The following TMOD2 variants were observed in gnomAD, a reference collection of about 807,000 sequenced individuals.
TMOD2 encodes the protein tropomodulin 2, also known as tropomodulin-2.
Under a neutral mutation model 39.9 loss-of-function variants are expected in TMOD2, and 22 were observed. The observed-to-expected ratio is 0.55, with a 90% CI of 0.39 to 0.79. TMOD2 has a LOEUF of 0.79. TMOD2 is among the 30% of genes least tolerant of loss of function. The pLI is 0.00. For synonymous variants in TMOD2, 123 were observed against 146.1 expected, an observed-to-expected ratio of 0.84 and a Z score of 1.14; for missense variants, 386 against 413.3, an observed-to-expected ratio of 0.93 and a Z score of 0.57.
At chr15:51,772,395 G>A (rs140289729) in intron 3 of TMOD2, among the ~76,000 whole-genome samples, 4 of 152,184 alleles carry the variant, frequency 2.6e-5, no homozygotes, top group Non-Finnish European at 5.9e-5. Context: ...CATGGCTCTA[G>A]AATGTCCCTG....
intron 5 of TMOD2, among the ~76,000 whole-genome samples, chr15:51,779,280 C>T (rs1027405332): frequency 6.6e-6 from 1 of 152,152 alleles, no homozygotes; most frequent in African/African-American, 2.4e-5. Context: ...TGGTGCATAA[C>T]CTTCTGGACG....
rs73409053 is a variant in TMOD2 at position 51,815,501 on chromosome 15, C to T, written c.*7047C>T. On this transcript the variant is annotated 3_prime_UTR_variant, in exon 10 of 10. Transcript: ENST00000249700. ...AGGCTGGCCCAAGATTTAAAACTTC[C>T]TGTGGGTAATCTAACTGTGAGTAGA... is the stretch of plus-strand genomic sequence containing the variant. The T allele has an allele frequency of 5.9e-5, 9 of 152,172 alleles. No homozygotes were observed. Among genetic ancestry groups the T allele is most frequent in the Admixed American group, 3.9e-4 (6 of 15,270 alleles). 9.4% of individuals were successfully genotyped at this position (152,172 alleles called of 1,614,324 possible). A position where few individuals can be genotyped will look rare whatever the true frequency, so the allele number is the denominator to read the frequency against.
chr15:51,759,229 A>G (rs901616418), intron 1 of TMOD2, among the ~76,000 whole-genome samples: 39 of 152,212 alleles, frequency 2.6e-4, no homozygotes, highest in Admixed American at 1.5e-3. Flanking sequence ...TTTTCGGCCA[A>G]TTTCCTGAAA....
chr15:51,785,821 G>A (rs2055965676), intron 7 of TMOD2, among the ~76,000 whole-genome samples: 1 of 152,040 alleles, frequency 6.6e-6, no homozygotes. Flanking sequence ...ACAAAGATAA[G>A]CCTTTGAGGT....
At chr15:51,789,127 A>G (rs922363513) in intron 7 of TMOD2, among the ~76,000 whole-genome samples, 2 of 152,200 alleles carry the variant, frequency 1.3e-5, no homozygotes, top group African/African-American at 2.4e-5. Context: ...CTCATGTACA[A>G]AGACACACAT....
chr15:51,765,030 T>A (rs146143817), intron 1 of TMOD2, among the ~76,000 whole-genome samples: 2,525 of 151,240 alleles, frequency 0.017, 88 homozygotes, highest in East Asian at 0.073. Flanking sequence ...TTTGAGAGAG[T>A]CTCACTCTGT....
chr15:51,760,746 C>T (rs574944328), intron 1 of TMOD2, among the ~76,000 whole-genome samples: 2 of 151,920 alleles, frequency 1.3e-5, no homozygotes, highest in Non-Finnish European at 1.5e-5. Context: ...GTAGAGGTTG[C>T]AGTGAGCCGA....
intron 1 of TMOD2, among the ~76,000 whole-genome samples, chr15:51,754,203 G>A (rs775406064): frequency 2.6e-5 from 4 of 152,130 alleles, no homozygotes; most frequent in Non-Finnish European, 5.9e-5. Flanking sequence ...GAACCATCCC[G>A]AAAGTGCTGT....
chr15:51,786,012 A>G (rs1354576376), intron 7 of TMOD2, among the ~76,000 whole-genome samples: 2 of 152,196 alleles, frequency 1.3e-5, no homozygotes, highest in African/African-American at 4.8e-5. Context: ...GTCTATAAAA[A>G]ATAGAGGGAC....
intron 8 of TMOD2, among the ~76,000 whole-genome samples, chr15:51,799,037 A>G (rs1248266671): frequency 2.0e-5 from 3 of 152,078 alleles, no homozygotes; most frequent in Non-Finnish European, 4.4e-5. Flanking sequence ...TCTTTTTCCC[A>G]GCGTCAGCCT....
chr15:51,801,231 T>TCACA (rs1182352451), intron 8 of TMOD2, among the ~76,000 whole-genome samples: 28 of 97,416 alleles, frequency 2.9e-4, no homozygotes, highest in African/African-American at 1.0e-3. Context: ...TCTCTCTCTC[T>TCACA]CTCTCTCACA....
At chr15:51,786,474 A>G (rs1595872494) in intron 7 of TMOD2, among the ~76,000 whole-genome samples, 1 of 152,210 alleles carries the variant, frequency 6.6e-6, no homozygotes, top group African/African-American at 2.4e-5. Flanking sequence ...TGCAATTGGC[A>G]TCCGTTTAGA....
chr15:51,777,443 T>G (rs2055897217), intron 5 of TMOD2, among the ~76,000 whole-genome samples: 1 of 152,210 alleles, frequency 6.6e-6, no homozygotes, highest in Non-Finnish European at 1.5e-5. Context: ...TTTGTCTCAA[T>G]AATAGATGCT....
chr15:51,764,659 G>A (rs769848279), intron 1 of TMOD2, among the ~76,000 whole-genome samples: 2 of 152,080 alleles, frequency 1.3e-5, no homozygotes, highest in South Asian at 2.1e-4. Context: ...TCCCACCCTC[G>A]TCTTTAGTTC....
Position 51,777,570 on chromosome 15 carries a change from C to T in TMOD2, c.493+552C>T, listed in dbSNP as rs74610404. On this transcript the variant is annotated intron_variant, in intron 5 of 9. Coordinates refer to ENST00000249700, the MANE Select transcript of TMOD2 (RefSeq NM_014548.4). ...CTTCTATGTCAACGTTTCCTATAGA[C>T]GTGTACAATTAATTAGACTTTTTTA... 5.3e-3 allele frequency among the ~76,000 whole-genome samples: 807 copies of T among 152,214 alleles called. 7 individuals are homozygous for T. The highest frequency in any genetic ancestry group is 0.028 in the East Asian group (144 of 5,188).
chr15:51,774,441 T>C (rs2141622054), intron 4 of TMOD2, among the ~76,000 whole-genome samples: 1 of 152,318 alleles, frequency 6.6e-6, no homozygotes, highest in South Asian at 2.1e-4. Context: ...ATTTATATAT[T>C]AGATCTTCCT....
chr15:51,776,857 C>A (rs2055892533), intron 4 of TMOD2, 75 bp from the exon 5 acceptor site: 2 of 1,218,614 alleles, frequency 1.6e-6, no homozygotes, highest in East Asian at 4.7e-5. Context: ...AATTGTTCTT[C>A]AAGGGACAAA....
intron 3 of TMOD2, among the ~76,000 whole-genome samples, chr15:51,770,541 G>C (rs1194466485): frequency 6.6e-6 from 1 of 152,214 alleles, no homozygotes; most frequent in African/African-American, 2.4e-5. Flanking sequence ...CCAGCTCCTA[G>C]TTGGCATGAG....
At chr15:51,808,198 T>G (rs964566192) in intron 9 of TMOD2, among the ~76,000 whole-genome samples, 7 of 152,130 alleles carry the variant, frequency 4.6e-5, no homozygotes, top group African/African-American at 1.7e-4. Flanking sequence ...GTTCTAACAC[T>G]CGAGTACCCA....
Sources: allele counts gnomAD v4.1 joint callset (sites outside exome capture counted in the v4.1 genomes callset), GRCh38; gene constraint gnomAD v4.1.1; transcripts MANE v1.5; gene names NCBI Gene and HGNC (gene_info 2026-07-23, HGNC 2026-07-21).